The following PRKG1 variants were observed in gnomAD, a reference collection of about 807,000 sequenced individuals.
PRKG1 encodes protein kinase cGMP-dependent 1, also known as cGMP-dependent protein kinase 1.
PRKG1 carries 35 observed loss-of-function variants against 88.1 expected under a neutral mutation model. That is an observed-to-expected ratio of 0.40 (90% CI 0.30 to 0.53). PRKG1 has a LOEUF of 0.53. Ranked by LOEUF, PRKG1 falls within the 20% of genes least tolerant of loss-of-function variation. The pLI, the probability that PRKG1 is intolerant of heterozygous loss-of-function variation, is 0.59. For synonymous variants in PRKG1, 303 were observed against 292.5 expected (o/e 1.04, Z -0.37); for missense variants, 540 against 839.8 (o/e 0.64, Z 4.41).
intron 2 of PRKG1, among the ~76,000 whole-genome samples, chr10:51,403,052 C>T (rs1000653789): frequency 9.2e-5 from 14 of 152,056 alleles, no homozygotes; most frequent in African/African-American, 2.9e-4. Flanking sequence ...TATAAAACTC[C>T]GGTGAACCAA....
chr10:51,612,037 T>C (rs566204838), intron 3 of PRKG1, among the ~76,000 whole-genome samples: 1 of 152,120 alleles, frequency 6.6e-6, no homozygotes, highest in Admixed American at 6.6e-5. Flanking sequence ...TTGATTACTG[T>C]GGGCTTGTAA....
chr10:51,984,921 T>A (rs1844114266), intron 5 of PRKG1, among the ~76,000 whole-genome samples: 1 of 152,174 alleles, frequency 6.6e-6, no homozygotes, highest in South Asian at 2.1e-4. Flanking sequence ...AATGATGTTT[T>A]GTTCCCTCTG....
chr10:51,049,133 C>G (rs1434030767), intron 1 of PRKG1, among the ~76,000 whole-genome samples: 1 of 152,136 alleles, frequency 6.6e-6, no homozygotes, highest in Admixed American at 6.6e-5. Flanking sequence ...TGCCTCTGCC[C>G]AGAAACATCA....
chr10:51,422,056 AC>A (rs1838431622), intron 2 of PRKG1, among the ~76,000 whole-genome samples: 1 of 152,134 alleles, frequency 6.6e-6, no homozygotes, highest in Admixed American at 6.5e-5. Context: ...TGTGCCAGGC[AC>A]CCTTGAGTGG....
chr10:52,075,056 AC>A (rs1846594865), intron 7 of PRKG1, among the ~76,000 whole-genome samples: 1 of 152,220 alleles, frequency 6.6e-6, no homozygotes, highest in Non-Finnish European at 1.5e-5. Flanking sequence ...TATTTAAAGG[AC>A]TTTAAGTCCA....
At chr10:51,097,949 G>GA (rs5784858) in intron 1 of PRKG1, among the ~76,000 whole-genome samples, 121,732 of 151,936 alleles carry the variant, frequency 0.8, 49,245 homozygotes, top group South Asian at 0.88. Context: ...CAGTTAACTG[G>GA]AAAAAAACTA....
At chr10:51,354,499 T>C (rs1842322687) in intron 2 of PRKG1, among the ~76,000 whole-genome samples, 1 of 152,124 alleles carries the variant, frequency 6.6e-6, no homozygotes, top group African/African-American at 2.4e-5. Flanking sequence ...TTTTTATCAA[T>C]AAATTGAGAT....
chr10:51,483,009 C>CTTTTTTTTTTTT (rs149140774), intron 3 of PRKG1, among the ~76,000 whole-genome samples: 2 of 110,478 alleles, frequency 1.8e-5, no homozygotes, highest in African/African-American at 3.4e-5. Context: ...TCTTTTCTTT[C>CTTTTTTTTTTTT]TTTTTTTTTT....
chr10:52,266,518 G>C (rs1416386561), intron 10 of PRKG1, among the ~76,000 whole-genome samples: 1 of 151,938 alleles, frequency 6.6e-6, no homozygotes, highest in Non-Finnish European at 1.5e-5. Context: ...ATGGCCTCCA[G>C]CTCCATCCAT....
chr10:51,838,110 C>T (rs955291046), intron 4 of PRKG1, among the ~76,000 whole-genome samples: 2 of 152,126 alleles, frequency 1.3e-5, no homozygotes, highest in African/African-American at 2.4e-5. Context: ...TAGTTTAAAA[C>T]ACTTATCAAT....
At position 52,294,066 on chromosome 10, in the gene PRKG1, T is replaced by C; in HGVS notation, c.*166T>C. The C allele has an allele frequency of 1.8e-6, 1 of 546,796 alleles. No homozygotes were observed. The highest frequency in any genetic ancestry group is 2.9e-5 in the South Asian group (1 of 34,868). The allele number at this position is 546,796 out of a possible 1,614,324, so 33.9% of individuals were successfully genotyped here. ...GTGGCATTAGGACTTACCGCTTAGA[T>C]GACAATAGTGCTCTTTACATGTTTT... On this transcript the variant is annotated 3_prime_UTR_variant, in exon 18 of 18. Transcript: ENST00000373980.
chr10:51,544,454 A>T (rs531785664), intron 3 of PRKG1, among the ~76,000 whole-genome samples: 1 of 152,088 alleles, frequency 6.6e-6, no homozygotes, highest in African/African-American at 2.4e-5. Flanking sequence ...CCAGTCTATC[A>T]TTGATGGACA....
intron 5 of PRKG1, among the ~76,000 whole-genome samples, chr10:51,990,196 G>A (rs7915024): frequency 0.11 from 16,517 of 152,012 alleles, 1,284 homozygotes; most frequent in Non-Finnish European, 0.16. Flanking sequence ...TCTTATATCT[G>A]TTTTTATGCC....
At chr10:51,377,384 A>G (rs1842838714) in intron 2 of PRKG1, among the ~76,000 whole-genome samples, 1 of 152,218 alleles carries the variant, frequency 6.6e-6, no homozygotes, top group South Asian at 2.1e-4. Flanking sequence ...CAGTAAATGA[A>G]GGCCATTACT....
chr10:51,377,363 T>C (rs1842838189), intron 2 of PRKG1, among the ~76,000 whole-genome samples: 1 of 152,246 alleles, frequency 6.6e-6, no homozygotes, highest in Admixed American at 6.5e-5. Context: ...AGTTGATACA[T>C]GATAGGAGCT....
intron 5 of PRKG1, among the ~76,000 whole-genome samples, chr10:51,949,269 A>G (rs189824491): frequency 8.5e-5 from 13 of 152,294 alleles, no homozygotes; most frequent in African/African-American, 3.1e-4. Flanking sequence ...GAATTGTGAG[A>G]CAGGGCTTAA....
intron 8 of PRKG1, among the ~76,000 whole-genome samples, chr10:52,153,665 G>A (rs1315293396): frequency 6.6e-6 from 1 of 152,194 alleles, no homozygotes; most frequent in Non-Finnish European, 1.5e-5. Context: ...CAGTCTCACA[G>A]AGTAGAACTG....
chr10:51,802,186 T>A (rs1171063490), intron 3 of PRKG1, among the ~76,000 whole-genome samples: 1 of 152,120 alleles, frequency 6.6e-6, no homozygotes, highest in Non-Finnish European at 1.5e-5. Flanking sequence ...TGATAATAAG[T>A]CAAGGTGATT....
Position 51,617,635 on chromosome 10 carries a change from C to T in PRKG1, c.592+149799C>T, listed in dbSNP as rs145246623. Among the ~76,000 whole-genome samples, 57 of 152,256 alleles carry T rather than the reference C, an allele frequency of 3.7e-4. No individual in the cohort carries two copies. The East Asian group carries it at 9.3e-3, about 25-fold the overall frequency. ...AGTAACGTGCTCTATAGGTTTGTAGCCTAAGAGCAATAAGCTATACCATAT... is the reference window on the plus strand; with the variant it reads ...AGTAACGTGCTCTATAGGTTTGTAGTCTAAGAGCAATAAGCTATACCATAT... On this transcript the variant is annotated intron_variant, in intron 3 of 17. Transcript: ENST00000373980.
Sources: gnomAD v4.1 joint callset for allele counts (sites outside exome capture counted in the v4.1 genomes callset) on GRCh38, gnomAD v4.1.1 for gene constraint, MANE v1.5 for transcripts, NCBI Gene and HGNC (gene_info 2026-07-23, HGNC 2026-07-21) for gene names.